Variants in SRD5A1 observed in about 807,000 individuals in gnomAD.
SRD5A1 encodes the protein steroid 5 alpha-reductase 1, also known as 3-oxo-5-alpha-steroid 4-dehydrogenase 1.
A neutral mutation model predicts 28.2 loss-of-function variants in SRD5A1; 22 were observed. The ratio of observed to expected loss-of-function variants is 0.78; its 90% CI spans 0.56 to 1.12. The LOEUF (loss-of-function observed/expected upper bound fraction) is 1.12, where lower values mean the gene tolerates loss of function less well. Ranked by LOEUF, SRD5A1 falls within the 50% of genes most tolerant of loss-of-function variation. The pLI is 0.00. For synonymous variants in SRD5A1, 151 were observed against 135.0 expected (o/e 1.12, Z -0.82); for missense variants, 300 against 346.7 (o/e 0.87, Z 1.07).
intron 1 of SRD5A1, among the ~76,000 whole-genome samples, chr5:6,648,400 C>T (rs575118962): frequency 6.6e-6 from 1 of 152,334 alleles, no homozygotes; most frequent in East Asian, 1.9e-4. Context: ...TTCTCCCCGT[C>T]ACTTTCAGGT....
chr5:6,673,195 G>A lies in SRD5A1; in HGVS notation c.*4927G>A, dbSNP rs1739410906. 6.6e-6 allele frequency: 1 copy of A among 152,218 alleles called. No homozygotes were observed. The highest frequency in any genetic ancestry group is 2.4e-5 in the African/African-American group (1 of 41,454). The allele number at this position is 152,218 out of a possible 1,614,324, so 9.4% of individuals were successfully genotyped here. A position where few individuals can be genotyped will look rare whatever the true frequency, so the allele number is the denominator to read the frequency against. On this transcript the variant is annotated 3_prime_UTR_variant, in exon 5 of 5. Transcript: ENST00000274192. ...TCTCCATCACTCTTGAAAGATATATGAAGGGAATGTTGGCGCAATCAGTCT... is the reference window on the plus strand; with the variant it reads ...TCTCCATCACTCTTGAAAGATATATAAAGGGAATGTTGGCGCAATCAGTCT...
At chr5:6,640,615 C>T (rs1738331433) in intron 1 of SRD5A1, among the ~76,000 whole-genome samples, 1 of 151,606 alleles carries the variant, frequency 6.6e-6, no homozygotes, top group African/African-American at 2.4e-5. Context: ...AGTCCTCCTT[C>T]CTTGGCCTCC....
At chr5:6,665,497 A>C (rs1262013437) in intron 4 of SRD5A1, among the ~76,000 whole-genome samples, 2 of 152,250 alleles carry the variant, frequency 1.3e-5, no homozygotes, top group African/African-American at 4.8e-5. Flanking sequence ...TGGTTGAAAT[A>C]CAACGTTATC....
chr5:6,636,051 G>A (rs1048231196), intron 1 of SRD5A1, among the ~76,000 whole-genome samples: 1 of 143,184 alleles, frequency 7.0e-6, no homozygotes, highest in Non-Finnish European at 1.5e-5. Flanking sequence ...GCTGGGTCAG[G>A]TATAGTTTTT....
chr5:6,662,490 G>A (rs1739036978), intron 3 of SRD5A1, among the ~76,000 whole-genome samples: 1 of 152,198 alleles, frequency 6.6e-6, no homozygotes, highest in Non-Finnish European at 1.5e-5. Context: ...TTCTATCTAG[G>A]TCCATTTTAC....
At chr5:6,663,000 T>G (rs762881640) in intron 4 of SRD5A1, 34 bp downstream of exon 4, 3 of 1,609,128 alleles carry the variant, frequency 1.9e-6, no homozygotes, top group South Asian at 2.2e-5. Flanking sequence ...ATTTGTAATT[T>G]GTTCTTTGAC....
rs746619439 is a variant in SRD5A1, at chr5:6,671,125, G to T, written c.*2857G>T. 21 of 152,204 alleles carry T rather than the reference G, an allele frequency of 1.4e-4. No individual in the cohort carries two copies. Among genetic ancestry groups the T allele is most frequent in the Non-Finnish European group, 2.5e-4 (17 of 68,032 alleles). The allele number at this position is 152,204 out of a possible 1,614,324, so 9.4% of individuals were successfully genotyped here. A position where few individuals can be genotyped will look rare whatever the true frequency, so the allele number is the denominator to read the frequency against. The stretch of plus-strand genomic sequence containing the variant: ...CTAATAGTTTACATTCCCACCAGCA[G>T]TGTGGAAGTGTTCCATGATTGCCGC... On this transcript the variant is annotated 3_prime_UTR_variant, in exon 5 of 5. Coordinates refer to ENST00000274192, the MANE Select transcript of SRD5A1 (RefSeq NM_001047.4).
At chr5:6,663,157 G>GCAC (rs1294712036) in intron 4 of SRD5A1, among the ~76,000 whole-genome samples, 191 bp downstream of exon 4, 1 of 152,182 alleles carries the variant, frequency 6.6e-6, no homozygotes, top group Non-Finnish European at 1.5e-5. Flanking sequence ...GTCCACATCA[G>GCAC]CACAGTTGTT....
In SRD5A1 at chr5:6,668,350, T is replaced by C. The variant is rs1249955108; in HGVS notation, c.*82T>C. On this transcript the variant is annotated 3_prime_UTR_variant, in exon 5 of 5. Coordinates refer to ENST00000274192, the MANE Select transcript of SRD5A1 (RefSeq NM_001047.4). ...GGACTTTGTAAATAAGTTATATCTT[T>C]GTAATTTTCCTGCTACTTTATCATT... 4.9e-5 allele frequency: 43 copies of C among 881,352 alleles called. No homozygotes were observed. The highest frequency in any genetic ancestry group is 7.4e-5 in the Non-Finnish European group (43 of 581,930). 54.6% of individuals were successfully genotyped at this position (881,352 alleles called of 1,614,324 possible).
chr5:6,658,062 C>T (rs923009545), intron 3 of SRD5A1, among the ~76,000 whole-genome samples: 1 of 152,138 alleles, frequency 6.6e-6, no homozygotes, highest in Non-Finnish European at 1.5e-5. Flanking sequence ...TGGTGGCTGA[C>T]GCCTGTAATC....
At position 6,672,035 on chromosome 5, in the gene SRD5A1, G is replaced by C. The variant is rs1739376338; in HGVS notation, c.*3767G>C. 6.6e-6 allele frequency: 1 copy of C among 152,198 alleles called. No homozygotes were observed. The highest frequency in any genetic ancestry group is 2.4e-5 in the African/African-American group (1 of 41,434). The allele number at this position is 152,198 out of a possible 1,614,324, so 9.4% of individuals were successfully genotyped here. On this transcript the variant is annotated 3_prime_UTR_variant, in exon 5 of 5. Coordinates refer to ENST00000274192, the MANE Select transcript of SRD5A1 (RefSeq NM_001047.4). ...AGAAAATAATTGATGTTGTGAGTTGGGCGGGACTTTAGGGACTATGCTGAA... is the reference window on the plus strand; with the variant it reads ...AGAAAATAATTGATGTTGTGAGTTGCGCGGGACTTTAGGGACTATGCTGAA...
intron 1 of SRD5A1, 54 bp from the exon 2 acceptor site, chr5:6,651,784 TACAG>T: frequency 6.7e-7 from 1 of 1,484,864 alleles, no homozygotes; most frequent in Non-Finnish European, 9.2e-7. Flanking sequence ...AAGATAGGAT[TACAG>T]AAATGATTAT....
chr5:6,637,938 A>G (rs1000077460), intron 1 of SRD5A1, among the ~76,000 whole-genome samples: 21 of 152,196 alleles, frequency 1.4e-4, no homozygotes, highest in African/African-American at 5.1e-4. Context: ...TCCTGTGGGG[A>G]GCCTAGCCCA....
Position 6,674,111 on chromosome 5 carries a change from T to A in SRD5A1, c.*5843T>A, listed in dbSNP as rs953353682. On this transcript the variant is annotated 3_prime_UTR_variant, in exon 5 of 5. Transcript: ENST00000274192. The stretch of plus-strand genomic sequence containing the variant: ...AAACTCTGGATTTTTATTAATAATA[T>A]TATTTAATTAAAATGATTTATTTTA... The A allele has an allele frequency of 1.3e-5, 2 of 151,652 alleles. No individual in the cohort carries two copies. The highest frequency in any genetic ancestry group is 4.8e-5 in the African/African-American group (2 of 41,346). The allele number at this position is 151,652 out of a possible 1,614,324, so 9.4% of individuals were successfully genotyped here. A position where few individuals can be genotyped will look rare whatever the true frequency, so the allele number is the denominator to read the frequency against.
chr5:6,664,760 G>A (rs1363149325), intron 4 of SRD5A1, among the ~76,000 whole-genome samples: 5 of 152,222 alleles, frequency 3.3e-5, no homozygotes, highest in Non-Finnish European at 7.3e-5. Flanking sequence ...TAAGAGCAGC[G>A]CCCCGCATTC....
At chr5:6,665,601 A>G (rs976127794) in intron 4 of SRD5A1, among the ~76,000 whole-genome samples, 1 of 152,200 alleles carries the variant, frequency 6.6e-6, no homozygotes, top group African/African-American at 2.4e-5. Context: ...CCCGGTGAAG[A>G]TGCCATCCTT....
intron 4 of SRD5A1, among the ~76,000 whole-genome samples, chr5:6,666,188 C>T (rs1739164296): frequency 6.6e-6 from 1 of 152,120 alleles, no homozygotes; most frequent in South Asian, 2.1e-4. Flanking sequence ...CGCTCTGTCG[C>T]CCAGGCTGGA....
intron 3 of SRD5A1, 145 bp downstream of exon 3, chr5:6,656,324 C>T: frequency 1.5e-6 from 1 of 687,110 alleles, no homozygotes; most frequent in Non-Finnish European, 2.5e-6. Flanking sequence ...ATAACAAGTG[C>T]TATTGTTATT....
intron 1 of SRD5A1, among the ~76,000 whole-genome samples, chr5:6,637,181 G>C (rs959986354): frequency 2.6e-5 from 4 of 152,214 alleles, no homozygotes; most frequent in South Asian, 2.1e-4. Flanking sequence ...CCTGGAGGCA[G>C]GTGCCTTCCC....
Sources: allele counts gnomAD v4.1 joint callset (sites outside exome capture counted in the v4.1 genomes callset), GRCh38; gene constraint gnomAD v4.1.1; transcripts MANE v1.5; gene names NCBI Gene and HGNC (gene_info 2026-07-23, HGNC 2026-07-21).